The following TMEM163 variants were observed in gnomAD, a reference collection of about 807,000 sequenced individuals.
The protein encoded by TMEM163 is transmembrane protein 163.
Under a neutral mutation model 29.3 loss-of-function variants are expected in TMEM163, and 17 were observed. That is an observed-to-expected ratio of 0.58 (90% CI 0.40 to 0.87). The LOEUF (loss-of-function observed/expected upper bound fraction) is 0.87. Ranked by LOEUF, TMEM163 falls within the 40% of genes least tolerant of loss-of-function variation. The pLI is 0.00. For missense variants in TMEM163, 303 were observed against 381.5 expected, an observed-to-expected ratio of 0.79 and a Z score of 1.71; for synonymous variants, 157 against 160.6, an observed-to-expected ratio of 0.98 and a Z score of 0.17.
intron 2 of TMEM163, among the ~76,000 whole-genome samples, chr2:134,580,859 G>T (rs1426025863): frequency 6.6e-6 from 1 of 152,224 alleles, no homozygotes; most frequent in African/African-American, 2.4e-5. Context: ...GTTGCAGTGA[G>T]CCAAGATGGC....
At chr2:134,619,155 G>T (rs1002309066) in intron 2 of TMEM163, among the ~76,000 whole-genome samples, 1 of 152,110 alleles carries the variant, frequency 6.6e-6, no homozygotes, top group Non-Finnish European at 1.5e-5. Context: ...AGCCCAGATG[G>T]CTCAACTGAT....
chr2:134,466,267 T>TG, intron 5 of TMEM163, 42 bp from the exon 6 acceptor site: 1 of 1,535,942 alleles, frequency 6.5e-7, no homozygotes, highest in Admixed American at 1.7e-5. Flanking sequence ...CACCTCCTGC[T>TG]GGAGCAGATC....
intron 2 of TMEM163, among the ~76,000 whole-genome samples, chr2:134,562,560 G>A (rs1200455877): frequency 1.3e-5 from 2 of 152,184 alleles, no homozygotes; most frequent in African/African-American, 2.4e-5. Context: ...AACCTCTTTG[G>A]TTTGAAAAGT....
intron 2 of TMEM163, among the ~76,000 whole-genome samples, chr2:134,626,119 T>TTG: frequency 7.1e-6 from 1 of 141,484 alleles, no homozygotes; most frequent in African/African-American, 2.9e-5. Context: ...TTTTTTTTTT[T>TTG]TTTGACACAG....
chr2:134,534,989 A>G (rs930743146), intron 4 of TMEM163, among the ~76,000 whole-genome samples: 3 of 152,106 alleles, frequency 2.0e-5, no homozygotes, highest in Non-Finnish European at 4.4e-5. Flanking sequence ...CTCATTTCCC[A>G]AACTTCCATC....
At chr2:134,508,794 C>A (rs1294683361) in intron 4 of TMEM163, among the ~76,000 whole-genome samples, 2 of 138,386 alleles carry the variant, frequency 1.4e-5, no homozygotes, top group Non-Finnish European at 3.2e-5. Context: ...CCATCCATTT[C>A]CCATCTCTCT....
intron 2 of TMEM163, among the ~76,000 whole-genome samples, chr2:134,590,932 G>A (rs1681922544): frequency 6.6e-6 from 1 of 152,206 alleles, no homozygotes; most frequent in African/African-American, 2.4e-5. Context: ...GCCCACAGCT[G>A]CAAAGATAAG....
At chr2:134,647,955 A>G (rs1023468227) in intron 2 of TMEM163, among the ~76,000 whole-genome samples, 2 of 152,224 alleles carry the variant, frequency 1.3e-5, no homozygotes, top group African/African-American at 2.4e-5. Flanking sequence ...TGTTACAGTC[A>G]GTGCTCTTTC....
chr2:134,484,862 A>G (rs1679276490), intron 5 of TMEM163, among the ~76,000 whole-genome samples: 1 of 152,214 alleles, frequency 6.6e-6, no homozygotes, highest in African/African-American at 2.4e-5. Context: ...CAACCTGCAC[A>G]TGTTACTTAG....
At chr2:134,511,684 T>C (rs1679953292) in intron 4 of TMEM163, among the ~76,000 whole-genome samples, 1 of 152,186 alleles carries the variant, frequency 6.6e-6, no homozygotes. Flanking sequence ...GCTGAGGGAA[T>C]AAGGGAACCA....
At chr2:134,618,892 GA>G (rs1682668315) in intron 2 of TMEM163, among the ~76,000 whole-genome samples, 1 of 151,606 alleles carries the variant, frequency 6.6e-6, no homozygotes, top group Non-Finnish European at 1.5e-5. Flanking sequence ...GCTTACATTA[GA>G]AAAGAAAAAA....
chr2:134,472,783 G>A lies in TMEM163; in HGVS notation c.556-6558C>T, dbSNP rs1034228117. Among the ~76,000 whole-genome samples the A allele has an allele frequency of 2.0e-5, 3 of 152,168 alleles. No homozygotes were observed. In the South Asian group the frequency reaches 6.2e-4, roughly 31 times the overall value. ...ACGGAACATCTACCCTACAAAGGCA[G>A]GACACACATTCTTTTTAAATGTAAT... On this transcript the variant is annotated intron_variant, in intron 5 of 7. Transcript: ENST00000281924.
chr2:134,675,603 CTT>C (rs1315650365), intron 2 of TMEM163, among the ~76,000 whole-genome samples: 3 of 152,020 alleles, frequency 2.0e-5, no homozygotes, highest in Admixed American at 6.6e-5. Context: ...AAAAAAATGA[CTT>C]TTAGATATCT....
intron 4 of TMEM163, among the ~76,000 whole-genome samples, chr2:134,541,787 C>T (rs1574222046): frequency 6.6e-6 from 1 of 151,548 alleles, no homozygotes. Context: ...CACACACACA[C>T]ACACACACAC....
intron 2 of TMEM163, among the ~76,000 whole-genome samples, chr2:134,678,396 C>T (rs1229169953): frequency 6.6e-6 from 1 of 152,218 alleles, no homozygotes; most frequent in African/African-American, 2.4e-5. Context: ...TTCTCATTGG[C>T]TGCCTTTTCA....
intron 2 of TMEM163, among the ~76,000 whole-genome samples, chr2:134,663,259 C>T (rs1683797477): frequency 6.6e-6 from 1 of 152,198 alleles, no homozygotes; most frequent in African/African-American, 2.4e-5. Context: ...TAAGGCAGCT[C>T]AGGCTGGTTT....
intron 4 of TMEM163, among the ~76,000 whole-genome samples, chr2:134,545,609 T>A (rs1429342897): frequency 6.6e-6 from 1 of 152,084 alleles, no homozygotes; most frequent in Non-Finnish European, 1.5e-5. Context: ...ATGACCTGCT[T>A]CATGGCCTTC....
At chr2:134,525,087 T>C (rs755208337) in intron 4 of TMEM163, among the ~76,000 whole-genome samples, 1 of 152,220 alleles carries the variant, frequency 6.6e-6, no homozygotes, top group Non-Finnish European at 1.5e-5. Flanking sequence ...TGGTATTTCA[T>C]TGTGGTTTTA....
intron 4 of TMEM163, among the ~76,000 whole-genome samples, chr2:134,513,801 A>T (rs1032365908): frequency 6.6e-6 from 1 of 152,164 alleles, no homozygotes; most frequent in Non-Finnish European, 1.5e-5. Flanking sequence ...AGCTGGGCCC[A>T]TCAGACACTC....
Sources: allele counts gnomAD v4.1 joint callset (sites outside exome capture counted in the v4.1 genomes callset), GRCh38; gene constraint gnomAD v4.1.1; transcripts MANE v1.5; gene names NCBI Gene and HGNC (gene_info 2026-07-23, HGNC 2026-07-21).